Variants in NSUN7 observed in about 807,000 individuals in gnomAD.
NSUN7 encodes NOP2/Sun RNA methyltransferase family member 7, also known as protein NSUN7.
A neutral mutation model predicts 58.5 loss-of-function variants in NSUN7; 39 were observed. The ratio of observed to expected loss-of-function variants is 0.67; its 90% confidence interval spans 0.52 to 0.87. NSUN7 has a LOEUF of 0.87. Ranked by LOEUF, NSUN7 falls within the 40% of genes least tolerant of loss-of-function variation. NSUN7 has a pLI of 0.00. For missense variants in NSUN7, 765 were observed against 844.1 expected, an observed-to-expected ratio of 0.91 and a Z score of 1.16; for synonymous variants, 278 against 303.7, an observed-to-expected ratio of 0.92 and a Z score of 0.88.
At chr4:40,761,719 A>G (rs1276633834) in intron 4 of NSUN7, among the ~76,000 whole-genome samples, 1 of 152,236 alleles carries the variant, frequency 6.6e-6, no homozygotes, top group East Asian at 1.9e-4. Flanking sequence ...AAAGAAAAAA[A>G]AATTCTACTT....
chr4:40,772,384 A>ATT (rs1742055331), intron 4 of NSUN7, among the ~76,000 whole-genome samples: 2 of 152,116 alleles, frequency 1.3e-5, no homozygotes, highest in Admixed American at 6.6e-5. Context: ...ACATTAATTT[A>ATT]TTTTTTGAGG....
intron 1 of NSUN7, 30 bp from the exon 2 acceptor site, chr4:40,750,573 A>T: frequency 8.3e-7 from 1 of 1,201,272 alleles, no homozygotes; most frequent in Non-Finnish European, 1.2e-6. Flanking sequence ...AGAAAGAGTG[A>T]TTTACTGCAA....
At chr4:40,758,574 C>G (rs1741287997) in intron 2 of NSUN7, among the ~76,000 whole-genome samples, 1 of 151,974 alleles carries the variant, frequency 6.6e-6, no homozygotes, top group Non-Finnish European at 1.5e-5. Flanking sequence ...GCCTGTAACC[C>G]CAACACTTGG....
At chr4:40,779,022 A>G (rs1742401188) in intron 7 of NSUN7, among the ~76,000 whole-genome samples, 1 of 152,186 alleles carries the variant, frequency 6.6e-6, no homozygotes, top group South Asian at 2.1e-4. Context: ...CTAAAGATAC[A>G]TGGTTTGGGT....
In NSUN7 at chr4:40,750,687, G is replaced by A. The variant is rs572891039; in HGVS notation, c.-7G>A. 6.2e-7 allele frequency: 1 copy of A among 1,611,918 alleles called. No individual in the cohort carries two copies. Among genetic ancestry groups the A allele is most frequent in the Admixed American group, 1.7e-5 (1 of 59,980 alleles). On this transcript the variant is annotated 5_prime_UTR_variant, in exon 2 of 12. Coordinates refer to ENST00000381782, the MANE Select transcript of NSUN7 (RefSeq NM_024677.6). ...GGTGAAGGACTCACGACAGGCGAGG[G>A]GCAGACATGCTGAATTCCACGGGCG...
intron 2 of NSUN7, among the ~76,000 whole-genome samples, chr4:40,753,112 G>T (rs904069606): frequency 6.6e-5 from 10 of 151,944 alleles, no homozygotes; most frequent in Non-Finnish European, 1.2e-4. Context: ...ATGGAATATT[G>T]AGTATTACCT....
At chr4:40,794,008 G>A (rs889449928) in intron 8 of NSUN7, among the ~76,000 whole-genome samples, 1 of 152,008 alleles carries the variant, frequency 6.6e-6, no homozygotes, top group Non-Finnish European at 1.5e-5. Flanking sequence ...TAGCCCATTC[G>A]TTTTTATCTT....
At position 40,783,545 on chromosome 4, in the gene NSUN7, T is replaced by G. The variant is rs144023178; in HGVS notation, c.1037-7057T>G. On this transcript the variant is annotated intron_variant, in intron 7 of 11. Coordinates refer to ENST00000381782, the MANE Select transcript of NSUN7 (RefSeq NM_024677.6). ...AAAAACTTTTGTGCTTCAAAGTCAC[T>G]ATCAAAAAACTGAAAAGACTGGCCA... Among the ~76,000 whole-genome samples the G allele has an allele frequency of 5.2e-3, 785 of 152,178 alleles. 7 individuals are homozygous for G. Among genetic ancestry groups the G allele is most frequent in the African/African-American group, 0.017 (718 of 41,532 alleles).
At chr4:40,764,669 TG>T (rs1377121319) in intron 4 of NSUN7, among the ~76,000 whole-genome samples, 1 of 152,240 alleles carries the variant, frequency 6.6e-6, no homozygotes, top group East Asian at 1.9e-4. Context: ...ACTTCTACAA[TG>T]GTTGAACTAG....
chr4:40,757,706 T>TTG (rs1198173925), intron 2 of NSUN7, among the ~76,000 whole-genome samples: 77 of 105,352 alleles, frequency 7.3e-4, no homozygotes, highest in Non-Finnish European at 9.1e-4. Context: ...TATATATACA[T>TTG]TGTGTGTGTG....
At chr4:40,769,454 A>G (rs1384016997) in intron 4 of NSUN7, among the ~76,000 whole-genome samples, 3 of 152,252 alleles carry the variant, frequency 2.0e-5, no homozygotes, top group African/African-American at 7.2e-5. Flanking sequence ...GGTGAGCCCT[A>G]GAATAGTCCT....
At chr4:40,751,473 A>T (rs1193587230) in intron 2 of NSUN7, among the ~76,000 whole-genome samples, 4 of 151,950 alleles carry the variant, frequency 2.6e-5, no homozygotes, top group Non-Finnish European at 1.5e-5. Context: ...TTGGTATTTT[A>T]GTTTATGAGC....
Position 40,750,804 on chromosome 4 carries a change from C to G in NSUN7, c.111C>G (p.Pro37=), listed in dbSNP as rs139360864. 3.1e-6 allele frequency: 5 copies of G among 1,613,934 alleles called. No homozygotes were observed. The African/African-American group carries it at 5.3e-5, about 17-fold the overall frequency. Residue 37 remains proline, a synonymous_variant, in exon 2 of 12, where the codon CCC becomes CCG. Transcript: ENST00000381782. Reference sequence around the variant, plus strand: ...GTGGGAAAAGCTCAGCTGGTGTGCCCGAAAAAACGGGCTATCCGGACTCCG... The same window carrying G: ...GTGGGAAAAGCTCAGCTGGTGTGCCGGAAAAAACGGGCTATCCGGACTCCG... ...LSGGKSSAGV[P]EKTGYPDSVY... is the part of the protein sequence containing the mutation.
intron 4 of NSUN7, among the ~76,000 whole-genome samples, chr4:40,770,001 G>A (rs963855318): frequency 1.1e-4 from 16 of 152,110 alleles, no homozygotes; most frequent in African/African-American, 3.9e-4. Flanking sequence ...CCTGAGGTCG[G>A]GAGTTCGAGA....
intron 2 of NSUN7, among the ~76,000 whole-genome samples, chr4:40,754,203 A>G (rs1741006843): frequency 6.7e-6 from 1 of 149,988 alleles, no homozygotes; most frequent in Non-Finnish European, 1.5e-5. Context: ...GAGTGCAGTC[A>G]ATCGCGCAAT....
intron 4 of NSUN7, among the ~76,000 whole-genome samples, chr4:40,766,826 G>A (rs1318852630): frequency 8.7e-5 from 13 of 150,118 alleles, no homozygotes; most frequent in African/African-American, 2.2e-4. Context: ...TGTATGTGTC[G>A]AGGAATTTAT....
rs538104682 is a variant in NSUN7, at chr4:40,783,473, A to G, written c.1037-7129A>G. Among the ~76,000 whole-genome samples the G allele has an allele frequency of 2.0e-4, 22 of 107,778 alleles. No homozygotes were observed. The South Asian group carries it at 6.0e-3, about 29-fold the overall frequency. 70.7% of individuals were successfully genotyped at this position (107,778 alleles called of 152,430 possible). A position where few individuals can be genotyped will look rare whatever the true frequency, so the allele number is the denominator to read the frequency against. On this transcript the variant is annotated intron_variant, in intron 7 of 11. Transcript: ENST00000381782. ...GTGGTTGTTTAGATATAACATCAAA[A>G]GCACAAGCAACAAGAAAAAATCGAT...
intron 7 of NSUN7, among the ~76,000 whole-genome samples, chr4:40,782,459 G>A (rs909485882): frequency 6.6e-6 from 1 of 151,034 alleles, no homozygotes; most frequent in East Asian, 1.9e-4. Context: ...TCCCAGCTAC[G>A]AGGGAGGCTG....
chr4:40,792,763 A>AAG (rs1553919418), intron 8 of NSUN7, among the ~76,000 whole-genome samples: 2,478 of 150,640 alleles, frequency 0.016, 64 homozygotes, highest in African/African-American at 0.056. Context: ...TAAAAAAAAA[A>AAG]AAGTTGTCGT....
Sources: allele counts gnomAD v4.1 joint callset (sites outside exome capture counted in the v4.1 genomes callset), GRCh38; gene constraint gnomAD v4.1.1; transcripts MANE v1.5; gene names NCBI Gene and HGNC (gene_info 2026-07-23, HGNC 2026-07-21).